The following ANXA13 variants were observed in gnomAD, a reference collection of about 807,000 sequenced individuals.
ANXA13 encodes the protein annexin XIII.
A neutral mutation model predicts 46.6 loss-of-function variants in ANXA13; 36 were observed. That is an observed-to-expected ratio of 0.77 (90% confidence interval 0.59 to 1.02). The LOEUF is 1.02. Ranked by LOEUF, ANXA13 falls within the 50% of genes least tolerant of loss-of-function variation. The pLI is 0.00. For synonymous variants in ANXA13, 163 were observed against 152.9 expected, an observed-to-expected ratio of 1.07 and a Z score of -0.49; for missense variants, 417 against 396.5, an observed-to-expected ratio of 1.05 and a Z score of -0.44.
chr8:123,691,593 C>T (rs1813244105), intron 8 of ANXA13, among the ~76,000 whole-genome samples: 1 of 152,172 alleles, frequency 6.6e-6, no homozygotes, highest in African/African-American at 2.4e-5. Context: ...ACTATTATCC[C>T]TATTTTACGT....
chr8:123,713,286 T>G (rs1384214971), intron 1 of ANXA13, among the ~76,000 whole-genome samples: 1 of 152,238 alleles, frequency 6.6e-6, no homozygotes, highest in Non-Finnish European at 1.5e-5. Context: ...TTGGTTTTAG[T>G]GCTCCTTGGG....
At position 123,736,851 on chromosome 8, in the gene ANXA13, T is replaced by TTC. The variant is rs569610196; in HGVS notation, c.15+468_15+469insGA. ...GGGAATAATATATCCCCAGTGCTTT[T>TTC]TTTTTTTTTTTTTTGGGACGGAGTT... On this transcript the variant is annotated intron_variant, in intron 1 of 10. Coordinates refer to ENST00000419625, the MANE Select transcript of ANXA13 (RefSeq NM_004306.4). 1.8e-4 allele frequency among the ~76,000 whole-genome samples: 27 copies of TTC among 146,632 alleles called. 1 individual carries two copies. In the South Asian group the frequency reaches 4.6e-3, roughly 25 times the overall value.
At chr8:123,686,342 C>A (rs1813139727) in intron 9 of ANXA13, among the ~76,000 whole-genome samples, 2 of 151,824 alleles carry the variant, frequency 1.3e-5, no homozygotes, top group Non-Finnish European at 2.9e-5. Context: ...GCTTGGTAAT[C>A]CCAGTTACTT....
chr8:123,681,296 C>A lies in ANXA13; in HGVS notation c.895G>T (p.Val299Phe). Reference sequence around the variant, plus strand: ...AAGTCCCCGGAGGTATCTGAGCGAACCATGTCAGAGAGAGACTTCTGATAC... The same window carrying A: ...AAGTCCCCGGAGGTATCTGAGCGAAACATGTCAGAGAGAGACTTCTGATAC... ...EKYQKSLSDMVRSDTSGDFRK... is the reference protein window; with the variant it reads ...EKYQKSLSDMFRSDTSGDFRK... The change falls in exon 11 of 11, where the codon GTT (valine) becomes TTT (phenylalanine). Residue 299 changes from valine to phenylalanine, a missense_variant. Transcript: ENST00000419625. 1.9e-6 allele frequency: 3 copies of A among 1,614,190 alleles called. No homozygotes were observed. Among genetic ancestry groups the A allele is most frequent in the Non-Finnish European group, 2.5e-6 (3 of 1,180,008 alleles).
chr8:123,736,532 G>A (rs1814271374), intron 1 of ANXA13, among the ~76,000 whole-genome samples: 1 of 152,172 alleles, frequency 6.6e-6, no homozygotes, highest in African/African-American at 2.4e-5. Flanking sequence ...TTGCAAATAT[G>A]TGGATGTTTA....
At position 123,695,539 on chromosome 8, in the gene ANXA13, C is replaced by T. The variant is rs1813314334; in HGVS notation, c.434G>A (p.Ser145Asn). 1 of 1,614,084 alleles carries T rather than the reference C, an allele frequency of 6.2e-7. No individual in the cohort carries two copies. Among genetic ancestry groups the T allele is most frequent in the Admixed American group, 1.7e-5 (1 of 60,022 alleles). ...SLESDVKGDT[S>N]GNLKKILVSL... Reference sequence around the variant, plus strand: ...CACCAGGATTTTTTTTAGGTTTCCACTTGTATCACCTTTGACATCTGATTC... The same window carrying T: ...CACCAGGATTTTTTTTAGGTTTCCATTTGTATCACCTTTGACATCTGATTC... The change falls in exon 6 of 11, where the codon AGT becomes AAT. Residue 145 changes from serine (S) to asparagine (N), a missense_variant. Ser to Asn is a conservative substitution (Grantham distance 46). Coordinates refer to ENST00000419625, the MANE Select transcript of ANXA13 (RefSeq NM_004306.4).
chr8:123,687,328 A>T (rs891081209), intron 9 of ANXA13, among the ~76,000 whole-genome samples: 7 of 152,220 alleles, frequency 4.6e-5, no homozygotes, highest in Non-Finnish European at 1.0e-4. Flanking sequence ...ACTCTTCTTA[A>T]TTATGCCTAG....
In ANXA13 at chr8:123,693,274, C is replaced by T. The variant is rs1334957102; in HGVS notation, c.565G>A (p.Asp189Asn). ...AGGACTTCATTGAACGCAAGCTCATCAGTGCCCCAGCGGCCTTCCCCTGCC... is the reference window on the plus strand; with the variant it reads ...AGGACTTCATTGAACGCAAGCTCATTAGTGCCCCAGCGGCCTTCCCCTGCC... ...YDAGEGRWGT[D>N]ELAFNEVLAK... Residue 189 changes from aspartate (D) to asparagine (N), a missense_variant, in exon 8 of 11, where the codon GAT (aspartate) becomes AAT (asparagine). Transcript: ENST00000419625. 1 of 1,614,070 alleles carries T rather than the reference C, an allele frequency of 6.2e-7. No individual in the cohort carries two copies. The highest frequency in any genetic ancestry group is 8.5e-7 in the Non-Finnish European group (1 of 1,180,038).
In ANXA13 at chr8:123,695,574, A is replaced by G. The variant is rs1479613315; in HGVS notation, c.399T>C (p.Asp133=). ...AIKEAYQRLF[D]RSLESDVKGD... is the part of the protein sequence containing the mutation. The stretch of plus-strand genomic sequence containing the variant: ...CTTTGACATCTGATTCGAGGCTCCT[A>G]TCAAATACTTCGAAGGAAGTAAACA... The change falls in exon 6 of 11, where the codon GAT becomes GAC. Residue 133 remains aspartate (D), a synonymous_variant. Coordinates refer to ENST00000419625, the MANE Select transcript of ANXA13 (RefSeq NM_004306.4). 1 of 1,613,984 alleles carries G rather than the reference A, an allele frequency of 6.2e-7. No individual in the cohort carries two copies. The highest frequency in any genetic ancestry group is 1.1e-5 in the South Asian group (1 of 91,064).
At chr8:123,688,034 C>A (rs1813171087) in intron 9 of ANXA13, among the ~76,000 whole-genome samples, 1 of 152,208 alleles carries the variant, frequency 6.6e-6, no homozygotes, top group Non-Finnish European at 1.5e-5. Context: ...ATCAGGCTGC[C>A]TGAAACTGGA....
chr8:123,681,976 T>C lies in ANXA13; in HGVS notation c.832-617A>G, dbSNP rs531178510. 2.6e-5 allele frequency among the ~76,000 whole-genome samples: 4 copies of C among 152,326 alleles called. 1 individual carries two copies. In the South Asian group the frequency reaches 8.3e-4, roughly 32 times the overall value. ...TTTACATGTTACAAAGTATTATCTT[T>C]CTTTTGAGTTTTAACAGTTATTTGA... On this transcript the variant is annotated intron_variant, in intron 10 of 10. Transcript: ENST00000419625.
chr8:123,720,436 G>A (rs1813842485), intron 1 of ANXA13, among the ~76,000 whole-genome samples: 1 of 152,000 alleles, frequency 6.6e-6, no homozygotes, highest in Admixed American at 6.6e-5. Context: ...GGCACCTTGC[G>A]CCAATATTGG....
intron 8 of ANXA13, among the ~76,000 whole-genome samples, chr8:123,691,981 A>C (rs1813251497): frequency 6.6e-6 from 1 of 152,226 alleles, no homozygotes; most frequent in Admixed American, 6.5e-5. Flanking sequence ...GAGGCTACGC[A>C]GCTCCAGGAA....
intron 1 of ANXA13, among the ~76,000 whole-genome samples, chr8:123,726,397 G>A (rs1424638155): frequency 2.0e-5 from 3 of 152,208 alleles, no homozygotes; most frequent in Non-Finnish European, 4.4e-5. Context: ...AAACTGGTGG[G>A]CACCATTGTA....
Position 123,711,255 on chromosome 8 carries a change from T to C in ANXA13, c.91+1423A>G, listed in dbSNP as rs557235516. ...GGTTACCAGGCATGGATGCCTTCAATTTCTGCCCCAACAACACCTATGAAG... is the reference window on the plus strand; with the variant it reads ...GGTTACCAGGCATGGATGCCTTCAACTTCTGCCCCAACAACACCTATGAAG... On this transcript the variant is annotated intron_variant, in intron 2 of 10. Transcript: ENST00000419625. Among the ~76,000 whole-genome samples the C allele has an allele frequency of 2.0e-5, 3 of 152,354 alleles. No homozygotes were observed. In the South Asian group the frequency reaches 6.2e-4, roughly 32 times the overall value.
At chr8:123,688,138 A>G (rs1813172640) in intron 9 of ANXA13, among the ~76,000 whole-genome samples, 1 of 152,164 alleles carries the variant, frequency 6.6e-6, no homozygotes, top group Non-Finnish European at 1.5e-5. Flanking sequence ...CTCATCTTGA[A>G]TTATAGCTCC....
chr8:123,727,972 G>A (rs1439615583), intron 1 of ANXA13: 1 of 152,186 alleles, frequency 6.6e-6, no homozygotes, highest in Non-Finnish European at 1.5e-5. Flanking sequence ...GTAACTAGGA[G>A]GAAGGTGTGA....
chr8:123,695,287 G>A (rs1813309123), intron 6 of ANXA13, among the ~76,000 whole-genome samples: 2 of 152,150 alleles, frequency 1.3e-5, no homozygotes, highest in East Asian at 1.9e-4. Context: ...ATTGTAAACT[G>A]CAAATGACTA....
chr8:123,735,630 G>C, intron 1 of ANXA13: 13 of 1,217,058 alleles, frequency 1.1e-5, no homozygotes, highest in Non-Finnish European at 1.4e-5. Flanking sequence ...CTGCTTGGAA[G>C]TCACACCTGA....
Sources: allele counts gnomAD v4.1 joint callset (sites outside exome capture counted in the v4.1 genomes callset), GRCh38; gene constraint gnomAD v4.1.1; transcripts MANE v1.5; gene names NCBI Gene and HGNC (gene_info 2026-07-23, HGNC 2026-07-21).